PTPRM: variants seen among roughly 807,000 people sequenced by gnomAD.
PTPRM encodes the protein protein tyrosine phosphatase receptor type M, also known as receptor-type tyrosine-protein phosphatase mu.
PTPRM carries 47 observed loss-of-function variants against 186.7 expected under a neutral mutation model. The observed-to-expected ratio is 0.25, with a 90% confidence interval of 0.20 to 0.32. The LOEUF is 0.32. PTPRM is among the 10% of genes least tolerant of loss of function. The probability of loss-of-function intolerance (pLI) is 1.00; values close to 1 mark genes in which losing one functional copy is unlikely to be tolerated. For synonymous variants in PTPRM, 668 were observed against 674.9 expected (o/e 0.99, Z 0.16); for missense variants, 1,494 against 1,865.0 (o/e 0.80, Z 3.66).
chr18:8,122,621 A>G (rs1321468997), intron 13 of PTPRM, among the ~76,000 whole-genome samples: 1 of 152,234 alleles, frequency 6.6e-6, no homozygotes, highest in Admixed American at 6.5e-5. Flanking sequence ...TAGCAATAAC[A>G]TCAAACAGGG....
intron 14 of PTPRM, among the ~76,000 whole-genome samples, chr18:8,220,788 C>T (rs145765367): frequency 1.3e-5 from 2 of 152,190 alleles, no homozygotes; most frequent in East Asian, 1.9e-4. Flanking sequence ...ATTCAATTAC[C>T]ATTGAATTAC....
At chr18:7,683,012 T>C (rs576400825) in intron 1 of PTPRM, among the ~76,000 whole-genome samples, 4 of 152,296 alleles carry the variant, frequency 2.6e-5, no homozygotes, top group Admixed American at 1.3e-4. Context: ...TTTTACCTGC[T>C]GCTGTGTAAT....
chr18:8,281,706 A>G (rs1322133666), intron 19 of PTPRM, among the ~76,000 whole-genome samples: 2 of 152,218 alleles, frequency 1.3e-5, no homozygotes, highest in Non-Finnish European at 2.9e-5. Context: ...TGAGGTCCAC[A>G]GACGCATTTG....
intron 7 of PTPRM, among the ~76,000 whole-genome samples, chr18:8,032,659 A>G (rs1427119537): frequency 6.6e-6 from 1 of 152,158 alleles, no homozygotes; most frequent in Non-Finnish European, 1.5e-5. Context: ...ATAAAAAATA[A>G]ATTGAAACAG....
chr18:7,988,217 T>C (rs2083074436), intron 7 of PTPRM, among the ~76,000 whole-genome samples: 1 of 151,650 alleles, frequency 6.6e-6, no homozygotes, highest in Non-Finnish European at 1.5e-5. Context: ...AGCTAGACCT[T>C]ATCTCAAAAA....
chr18:7,804,253 G>A (rs1283821845), intron 2 of PTPRM, among the ~76,000 whole-genome samples: 11 of 152,076 alleles, frequency 7.2e-5, no homozygotes, highest in Admixed American at 7.2e-4. Context: ...ACACTGAGGG[G>A]GGTGGGCTGG....
intron 15 of PTPRM, among the ~76,000 whole-genome samples, chr18:8,245,668 T>C (rs1321023453): frequency 6.6e-6 from 1 of 152,206 alleles, no homozygotes; most frequent in African/African-American, 2.4e-5. Context: ...AGAATTTTTG[T>C]AGTAGCAGGT....
chr18:7,873,360 A>G (rs139630731), intron 2 of PTPRM, among the ~76,000 whole-genome samples: 14 of 152,322 alleles, frequency 9.2e-5, no homozygotes, highest in African/African-American at 2.6e-4. Flanking sequence ...GAGATGTGCT[A>G]TGAAACCTTG....
At chr18:8,143,439 A>G (rs1008654641) in intron 13 of PTPRM, among the ~76,000 whole-genome samples, 1 of 152,212 alleles carries the variant, frequency 6.6e-6, no homozygotes, top group African/African-American at 2.4e-5. Flanking sequence ...TCCAGCTTGT[A>G]TATGGTTTAG....
chr18:8,026,802 G>C (rs2148016286), intron 7 of PTPRM, among the ~76,000 whole-genome samples: 1 of 151,964 alleles, frequency 6.6e-6, no homozygotes, highest in South Asian at 2.1e-4. Context: ...AGGTTGCAGT[G>C]AGCCAAGATT....
intron 7 of PTPRM, among the ~76,000 whole-genome samples, chr18:7,998,827 G>A (rs1204201307): frequency 6.6e-6 from 1 of 152,070 alleles, no homozygotes; most frequent in African/African-American, 2.4e-5. Context: ...GCTAATTTCT[G>A]TATTTTTAAT....
chr18:8,125,976 CATATATATATATATATATAT>C (rs1178603481), intron 13 of PTPRM, among the ~76,000 whole-genome samples: 759 of 59,740 alleles, frequency 0.013, 37 homozygotes, highest in Middle Eastern at 0.043. Context: ...TGTGTGTATA[CATATATATATATATATATAT>C]ATATATATAT....
intron 20 of PTPRM, among the ~76,000 whole-genome samples, chr18:8,307,291 C>G (rs935323507): frequency 1.3e-5 from 2 of 152,164 alleles, no homozygotes; most frequent in South Asian, 4.1e-4. Context: ...CCAGGAAGTG[C>G]AATCATGTGA....
intron 31 of PTPRM, among the ~76,000 whole-genome samples, chr18:8,393,944 A>G (rs2095832024): frequency 6.6e-6 from 1 of 151,564 alleles, no homozygotes; most frequent in East Asian, 1.9e-4. Context: ...ACCCGCCACC[A>G]CGCCCGGCTA....
At chr18:7,695,151 A>G (rs1173142041) in intron 1 of PTPRM, among the ~76,000 whole-genome samples, 1 of 152,184 alleles carries the variant, frequency 6.6e-6, no homozygotes, top group African/African-American at 2.4e-5. Flanking sequence ...CTGTTTTCTA[A>G]CGTCTCCTGT....
intron 29 of PTPRM, 62 bp from the exon 30 acceptor site, chr18:8,384,499 C>G: frequency 6.3e-7 from 1 of 1,588,028 alleles, no homozygotes; most frequent in Non-Finnish European, 8.6e-7. Context: ...TAACCTTATC[C>G]AAACTGTTAG....
chr18:8,151,963 G>T (rs1039171513), intron 14 of PTPRM, among the ~76,000 whole-genome samples: 1 of 152,058 alleles, frequency 6.6e-6, no homozygotes, highest in African/African-American at 2.4e-5. Context: ...ACCCTGCTTC[G>T]GCTCGCCCTC....
chr18:7,883,197 A>AT (rs2048594430), intron 2 of PTPRM, among the ~76,000 whole-genome samples: 1 of 152,192 alleles, frequency 6.6e-6, no homozygotes, highest in Non-Finnish European at 1.5e-5. Flanking sequence ...TTGAATTATG[A>AT]TTTTTTAAAA....
intron 14 of PTPRM, among the ~76,000 whole-genome samples, chr18:8,158,586 T>C (rs904768525): frequency 3.3e-5 from 5 of 152,192 alleles, no homozygotes; most frequent in Non-Finnish European, 5.9e-5. Context: ...TAACCTGACT[T>C]ATTTGGGCAA....
Sources: allele counts gnomAD v4.1 joint callset (sites outside exome capture counted in the v4.1 genomes callset), GRCh38; gene constraint gnomAD v4.1.1; transcripts MANE v1.5; gene names NCBI Gene and HGNC (gene_info 2026-07-23, HGNC 2026-07-21).